The following MSI2 variants were observed in gnomAD, a reference collection of about 807,000 sequenced individuals.
The protein encoded by MSI2 is musashi RNA binding protein 2, also known as RNA-binding protein Musashi homolog 2.
In MSI2, 17 loss-of-function variants were observed where a neutral mutation model predicts 45.6. The ratio of observed to expected loss-of-function variants is 0.37; its 90% CI spans 0.26 to 0.56. MSI2 has a LOEUF of 0.56. Ranked by LOEUF, MSI2 falls within the 20% of genes least tolerant of loss-of-function variation. The probability of loss-of-function intolerance (pLI) is 0.77; values close to 1 mark genes in which losing one functional copy is unlikely to be tolerated. For synonymous variants in MSI2, 156 were observed against 158.2 expected (o/e 0.99, Z 0.11); for missense variants, 293 against 444.2 (o/e 0.66, Z 3.06).
At chr17:57,550,514 G>C (rs1328943280) in intron 7 of MSI2, among the ~76,000 whole-genome samples, 1 of 152,162 alleles carries the variant, frequency 6.6e-6, no homozygotes, top group African/African-American at 2.4e-5. Flanking sequence ...GATTTGGGGG[G>C]GTCACAGGGA....
intron 7 of MSI2, among the ~76,000 whole-genome samples, chr17:57,548,767 A>G (rs922226779): frequency 6.6e-6 from 1 of 152,272 alleles, no homozygotes; most frequent in East Asian, 1.9e-4. Context: ...TTCCTGGGTC[A>G]GATGGCCATT....
At chr17:57,286,013 G>A (rs1440213858) in intron 5 of MSI2, 2 of 1,525,818 alleles carry the variant, frequency 1.3e-6, no homozygotes, top group Non-Finnish European at 1.7e-6. Flanking sequence ...TCTGATGAGG[G>A]TAAGAAAAAG....
At chr17:57,294,487 A>C (rs948873502) in intron 5 of MSI2, among the ~76,000 whole-genome samples, 1 of 152,178 alleles carries the variant, frequency 6.6e-6, no homozygotes, top group South Asian at 2.1e-4. Context: ...AATGTTTCCA[A>C]GTATACCATG....
At chr17:57,257,356 G>A (rs927386330) in intron 2 of MSI2, 110 bp from the exon 3 acceptor site, 100 of 720,122 alleles carry the variant, frequency 1.4e-4, no homozygotes, top group African/African-American at 5.6e-5. Flanking sequence ...AAACAAAACA[G>A]AATAACAACA....
chr17:57,478,360 A>G (rs17821703), intron 6 of MSI2, among the ~76,000 whole-genome samples: 4,705 of 152,308 alleles, frequency 0.031, 97 homozygotes, highest in South Asian at 0.065. Context: ...CTACTTTTCC[A>G]GCACAAAAGC....
chr17:57,557,659 G>T lies in MSI2; in HGVS notation c.454+27935G>T, dbSNP rs572212201. Among the ~76,000 whole-genome samples the T allele has an allele frequency of 1.7e-3, 265 of 152,376 alleles. 2 individuals carry two copies. In the South Asian group the frequency reaches 0.023, roughly 13 times the overall value. On this transcript the variant is annotated intron_variant, in intron 7 of 13. Coordinates refer to ENST00000284073, the MANE Select transcript of MSI2 (RefSeq NM_138962.4). ...CCCCCTTGTGCCCATGCCAAGGCAA[G>T]GCTTTCTGCGTGGAAGTCTGGCAGG...
At chr17:57,374,505 A>G (rs2083464628) in intron 5 of MSI2, among the ~76,000 whole-genome samples, 1 of 152,184 alleles carries the variant, frequency 6.6e-6, no homozygotes, top group African/African-American at 2.4e-5. Flanking sequence ...TGACAGGAAC[A>G]GTGGCTCACG....
At chr17:57,417,597 A>C (rs1457011489) in intron 6 of MSI2, among the ~76,000 whole-genome samples, 1 of 152,102 alleles carries the variant, frequency 6.6e-6, no homozygotes, top group Non-Finnish European at 1.5e-5. Flanking sequence ...TTGACCCATG[A>C]GTGGAACGGT....
intron 6 of MSI2, among the ~76,000 whole-genome samples, chr17:57,489,553 C>T (rs570977885): frequency 2.5e-4 from 38 of 152,336 alleles, no homozygotes; most frequent in South Asian, 1.2e-3. Context: ...GGACAGAGGC[C>T]GGCGGGGCCA....
intron 6 of MSI2, among the ~76,000 whole-genome samples, chr17:57,442,672 G>T (rs570703612): frequency 6.6e-6 from 1 of 152,206 alleles, no homozygotes; most frequent in Non-Finnish European, 1.5e-5. Flanking sequence ...ATCAAGAGGG[G>T]TTGCTGACGA....
At chr17:57,273,707 T>A (rs1192583624) in intron 5 of MSI2, among the ~76,000 whole-genome samples, 1 of 152,208 alleles carries the variant, frequency 6.6e-6, no homozygotes, top group Non-Finnish European at 1.5e-5. Flanking sequence ...AGCCTGTGCA[T>A]TCACAGCATT....
chr17:57,278,110 A>T (rs1441299642), intron 5 of MSI2: 1 of 152,338 alleles, frequency 6.6e-6, no homozygotes, highest in Non-Finnish European at 1.5e-5. Flanking sequence ...AAGTGGGAGG[A>T]TCTCTCGAGC....
At chr17:57,311,383 A>G (rs1255471846) in intron 5 of MSI2, among the ~76,000 whole-genome samples, 2 of 152,220 alleles carry the variant, frequency 1.3e-5, no homozygotes, top group African/African-American at 4.8e-5. Flanking sequence ...GATTAAAGAT[A>G]AAAGAGAGAA....
chr17:57,363,775 A>C (rs4794725), intron 5 of MSI2, among the ~76,000 whole-genome samples: 50 of 113,056 alleles, frequency 4.4e-4, no homozygotes, highest in Non-Finnish European at 6.9e-4. Context: ...ACAACAACAA[A>C]CAACAACAAC....
chr17:57,624,942 A>G (rs1314959028), intron 9 of MSI2, among the ~76,000 whole-genome samples: 2 of 152,160 alleles, frequency 1.3e-5, no homozygotes, highest in Admixed American at 1.3e-4. Flanking sequence ...TATTTCTCAC[A>G]GTTCTGGAGG....
chr17:57,668,313 T>C (rs1202024463), intron 11 of MSI2, among the ~76,000 whole-genome samples: 1 of 151,990 alleles, frequency 6.6e-6, no homozygotes. Context: ...TATATGAGAG[T>C]TTTAGAACTG....
chr17:57,509,134 G>T (rs1347986012), intron 6 of MSI2, among the ~76,000 whole-genome samples: 1 of 152,150 alleles, frequency 6.6e-6, no homozygotes, highest in African/African-American at 2.4e-5. Context: ...TTTGAAAACT[G>T]CTTGGGAGAC....
chr17:57,514,827 CA>C (rs2086435603), intron 6 of MSI2, among the ~76,000 whole-genome samples: 1 of 151,880 alleles, frequency 6.6e-6, no homozygotes, highest in Non-Finnish European at 1.5e-5. Flanking sequence ...CAAAAATTTC[CA>C]ACCTCTCAGG....
intron 6 of MSI2, among the ~76,000 whole-genome samples, chr17:57,509,789 A>G (rs2086312481): frequency 6.6e-6 from 1 of 151,810 alleles, no homozygotes; most frequent in Non-Finnish European, 1.5e-5. Context: ...CAGTCCCCCC[A>G]TGATTAATTC....
Sources: allele counts gnomAD v4.1 joint callset (sites outside exome capture counted in the v4.1 genomes callset), GRCh38; gene constraint gnomAD v4.1.1; transcripts MANE v1.5; gene names NCBI Gene and HGNC (gene_info 2026-07-23, HGNC 2026-07-21).